Variants in USHBP1 observed in about 807,000 individuals in gnomAD.
The protein encoded by USHBP1 is harmonin-binding protein USHBP1.
USHBP1 carries 67 observed loss-of-function variants against 76.2 expected under a neutral mutation model. That is an observed-to-expected ratio of 0.88 (90% CI 0.72 to 1.08). USHBP1 has a LOEUF of 1.08. Ranked by LOEUF, USHBP1 falls within the 50% of genes least tolerant of loss-of-function variation. The probability of loss-of-function intolerance (pLI) is 0.00; values close to 1 mark genes in which losing one functional copy is unlikely to be tolerated. For synonymous variants in USHBP1, 322 were observed against 362.2 expected, an observed-to-expected ratio of 0.89 and a Z score of 1.26; for missense variants, 931 against 915.0, an observed-to-expected ratio of 1.02 and a Z score of -0.23.
rs777516842 is a variant in USHBP1 at position 17,264,315 on chromosome 19, A to G, written c.-16T>C. The G allele has an allele frequency of 6.2e-7, 1 of 1,607,264 alleles. No individual in the cohort carries two copies. The highest frequency in any genetic ancestry group is 1.7e-5 in the Admixed American group (1 of 59,140). ...GGGCACTCATTGCTGTCCAGAAGCC[A>G]GTGCCCTCTGAATGCTTCTCCTTCG... On this transcript the variant is annotated 5_prime_UTR_variant, in exon 2 of 13. Transcript: ENST00000252597.
At chr19:17,254,034 C>T (rs1023702498) in intron 10 of USHBP1, among the ~76,000 whole-genome samples, 1 of 151,732 alleles carries the variant, frequency 6.6e-6, no homozygotes, top group Non-Finnish European at 1.5e-5. Flanking sequence ...ATGGTGAAAC[C>T]CCATCTCTAC....
At position 17,260,529 on chromosome 19, in the gene USHBP1, C is replaced by T. The variant is rs1568327070; in HGVS notation, c.643-507G>A. Among the ~76,000 whole-genome samples, 3 of 152,102 alleles carry T rather than the reference C, an allele frequency of 2.0e-5. 1 individual carries two copies. The highest frequency in any genetic ancestry group is 4.1e-4 in the South Asian group (2 of 4,828). On this transcript the variant is annotated intron_variant, in intron 4 of 12. Transcript: ENST00000252597. ...ATTTTCAGTAGAGATGGGGTTTCAC[C>T]ATGTTGACCAGGCTGGTCTTGAACT...
At chr19:17,254,974 T>A (rs1379927244) in intron 10 of USHBP1, among the ~76,000 whole-genome samples, 2 of 151,622 alleles carry the variant, frequency 1.3e-5, no homozygotes, top group African/African-American at 4.8e-5. Flanking sequence ...GTAGGAGAGA[T>A]GATTTAAAGA....
At position 17,250,336 on chromosome 19, in the gene USHBP1, G is replaced by C. The variant is rs369568899; in HGVS notation, c.2001C>G (p.Leu667=). The C allele has an allele frequency of 4.3e-6, 7 of 1,613,768 alleles. No individual in the cohort carries two copies. The highest frequency in any genetic ancestry group is 5.9e-6 in the Non-Finnish European group (7 of 1,179,930). Residue 667 remains leucine (L), a synonymous_variant, in exon 13 of 13, where the codon CTC becomes CTG. Transcript: ENST00000252597. ...QRRKLEQQMA[L]MEAQQAEEVA... ...CCTCCTCGGCCTGCTGAGCCTCCAT[G>C]AGTGCCATCTGCTGCTCCAACTTCC...
At position 17,262,769 on chromosome 19, in the gene USHBP1, C is replaced by T; in HGVS notation, c.425G>A (p.Ser142Asn). The part of the protein sequence containing the change: ...AAAAWRHQPP[S>N]HSGPMEFEGT... Reference sequence around the variant, plus strand: ...TTCGAACTCCATCGGCCCAGAATGGCTGGGGGGCTGGTGGCGCCAGGCTGC... The same window carrying T: ...TTCGAACTCCATCGGCCCAGAATGGTTGGGGGGCTGGTGGCGCCAGGCTGC... Residue 142 changes from serine (S) to asparagine (N), a missense_variant, in exon 4 of 13, where the codon AGC becomes AAC. Ser to Asn is a conservative substitution (Grantham distance 46). Transcript: ENST00000252597. 2 of 1,614,106 alleles carry T rather than the reference C, an allele frequency of 1.2e-6. No homozygotes were observed. Among genetic ancestry groups the T allele is most frequent in the Non-Finnish European group, 1.7e-6 (2 of 1,180,020 alleles).
At chr19:17,252,877 ACT>A (rs1053812515) in intron 10 of USHBP1, among the ~76,000 whole-genome samples, 8 of 151,344 alleles carry the variant, frequency 5.3e-5, no homozygotes, top group African/African-American at 1.5e-4. Context: ...ACACAGTGAG[ACT>A]CTGTCTCAAA....
intron 10 of USHBP1, among the ~76,000 whole-genome samples, chr19:17,254,214 G>T (rs1393893019): frequency 1.3e-5 from 2 of 152,026 alleles, no homozygotes; most frequent in African/African-American, 4.8e-5. Context: ...GGGTGTGGTG[G>T]CGGGCGCCTG....
intron 8 of USHBP1, among the ~76,000 whole-genome samples, chr19:17,257,907 C>T (rs2073639895): frequency 6.6e-6 from 1 of 152,164 alleles, no homozygotes. Flanking sequence ...CCTCGGCCTC[C>T]CAAAGTGCTG....
chr19:17,256,406 C>A (rs1195948084), intron 9 of USHBP1, 65 bp downstream of exon 9: 1 of 1,592,500 alleles, frequency 6.3e-7, no homozygotes, highest in South Asian at 1.1e-5. Context: ...CTTGGTCCCC[C>A]GACCTCAGTA....
At chr19:17,263,779 C>T (rs1448081664) in intron 3 of USHBP1, 2 of 522,714 alleles carry the variant, frequency 3.8e-6, no homozygotes, top group African/African-American at 1.9e-5. Context: ...AGCTGAGGCT[C>T]CCGCTTGAAC....
chr19:17,251,526 G>T, intron 12 of USHBP1, 56 bp downstream of exon 12: 2 of 1,605,308 alleles, frequency 1.2e-6, no homozygotes, highest in South Asian at 1.1e-5. Flanking sequence ...GGATACTTCT[G>T]ATATCCTGGT....
intron 5 of USHBP1, 25 bp from the exon 6 acceptor site, chr19:17,259,757 G>C (rs761502465): frequency 6.3e-7 from 1 of 1,590,536 alleles, no homozygotes; most frequent in Non-Finnish European, 8.6e-7. Context: ...TGATATAACT[G>C]ACCCCAATTG....
intron 10 of USHBP1, among the ~76,000 whole-genome samples, chr19:17,253,130 A>G (rs1026864794): frequency 6.6e-6 from 1 of 151,308 alleles, no homozygotes; most frequent in Admixed American, 6.6e-5. Context: ...CACCATCCCC[A>G]GCTAATTTTT....
chr19:17,257,574 A>T (rs2073635384), intron 8 of USHBP1, among the ~76,000 whole-genome samples: 1 of 144,894 alleles, frequency 6.9e-6, no homozygotes, highest in Non-Finnish European at 1.5e-5. Flanking sequence ...CCCGGGAGGC[A>T]GAGGTTGCAG....
In USHBP1 at chr19:17,255,577, C is replaced by T. The variant is rs1420684787; in HGVS notation, c.1500G>A (p.Leu500=). Residue 500 remains leucine (L), a synonymous_variant, in exon 10 of 13, where the codon CTG becomes CTA. Transcript: ENST00000252597. ...CCCGCTTCTCACGCCGCACCAGCTG[C>T]AGCCGAAGCATCAGGTCCGCCAGGG... ...REALADLMLR[L]QLVRREKRGL... is the part of the protein sequence containing the mutation. 6.2e-7 allele frequency: 1 copy of T among 1,612,444 alleles called. No homozygotes were observed. The highest frequency in any genetic ancestry group is 2.2e-5 in the East Asian group (1 of 44,848).
At chr19:17,252,368 G>C (rs890536939) in intron 10 of USHBP1, among the ~76,000 whole-genome samples, 1 of 151,804 alleles carries the variant, frequency 6.6e-6, no homozygotes, top group Admixed American at 6.6e-5. Flanking sequence ...GCTACTTTTC[G>C]TATTTTTAGT....
In USHBP1 at chr19:17,259,312, T is replaced by C. The variant is rs150818849; in HGVS notation, c.1023A>G (p.Ala341=). Residue 341 remains alanine, a synonymous_variant, in exon 7 of 13, where the codon GCA becomes GCG. Transcript: ENST00000252597. ...ACCTGTACTGCAAGGCCAGATGCAA[T>C]GCTGTGGCCTCAGCCTCCCGCTGGC... ...QLGQREAEAT[A]LHLALQYSEH... The C allele has an allele frequency of 8.0e-4, 1,289 of 1,613,812 alleles. 2 individuals are homozygous for C. Among genetic ancestry groups the C allele is most frequent in the Non-Finnish European group, 1.0e-3 (1,190 of 1,179,916 alleles).
chr19:17,253,283 T>TA (rs200696999), intron 10 of USHBP1, among the ~76,000 whole-genome samples: 16,497 of 143,204 alleles, frequency 0.12, 1,240 homozygotes, highest in Non-Finnish European at 0.17. Flanking sequence ...GCCCGGACAG[T>TA]AATAATTTTT....
intron 7 of USHBP1, 191 bp from the exon 8 acceptor site, chr19:17,258,576 G>A: frequency 1.8e-6 from 1 of 552,996 alleles, no homozygotes; most frequent in Non-Finnish European, 3.1e-6. Flanking sequence ...AGGTGTGGTG[G>A]TACGCACCTG....
Sources: allele counts gnomAD v4.1 joint callset (sites outside exome capture counted in the v4.1 genomes callset), GRCh38; gene constraint gnomAD v4.1.1; transcripts MANE v1.5; gene names NCBI Gene and HGNC (gene_info 2026-07-23, HGNC 2026-07-21).